Variants in ABCA12 observed in about 807,000 individuals in gnomAD.
ABCA12 encodes the protein glucosylceramide transporter ABCA12.
A neutral mutation model predicts 293.5 loss-of-function variants in ABCA12; 156 were observed. The ratio of observed to expected loss-of-function variants is 0.53; its 90% CI spans 0.47 to 0.61. The LOEUF (loss-of-function observed/expected upper bound fraction) is 0.61. Among genes scored for constraint, ABCA12 ranks in the 20% least tolerant of loss-of-function variants. The pLI is 0.00. For missense variants in ABCA12, 2,797 were observed against 3,090.2 expected (o/e 0.91, Z 2.25); for synonymous variants, 1,063 against 1,108.0 (o/e 0.96, Z 0.81).
At chr2:214,938,980 T>C (rs1645429705) in intron 50 of ABCA12, among the ~76,000 whole-genome samples, 1 of 152,204 alleles carries the variant, frequency 6.6e-6, no homozygotes, top group Non-Finnish European at 1.5e-5. Context: ...CATTTGTCTA[T>C]TTTGGCTTTT....
At chr2:215,052,417 G>A in intron 5 of ABCA12, 70 bp downstream of exon 5, 1 of 1,284,762 alleles carries the variant, frequency 7.8e-7, no homozygotes, top group Non-Finnish European at 1.1e-6. Flanking sequence ...TGCTATTTGA[G>A]AGATCCTTCT....
chr2:215,007,882 T>C (rs1700289016), intron 18 of ABCA12, 36 bp from the exon 19 acceptor site: 3 of 1,612,680 alleles, frequency 1.9e-6, no homozygotes, highest in Non-Finnish European at 8.5e-7. Context: ...TGTGATCCAT[T>C]AGTATTTTGT....
chr2:215,134,486 G>A (rs888402504), intron 1 of ABCA12, among the ~76,000 whole-genome samples: 5 of 139,620 alleles, frequency 3.6e-5, no homozygotes, highest in Admixed American at 2.1e-4. Flanking sequence ...GTATATATAC[G>A]TATATATGCA....
intron 6 of ABCA12, 145 bp downstream of exon 6, chr2:215,049,481 T>C: frequency 2.5e-6 from 2 of 807,980 alleles, no homozygotes; most frequent in Non-Finnish European, 2.0e-6. Context: ...TACTTAAGAT[T>C]AAACTTTGTG....
At position 215,119,926 on chromosome 2, in the gene ABCA12, G is replaced by A. The variant is rs61559568; in HGVS notation, c.70-8236C>T. Among the ~76,000 whole-genome samples the A allele has an allele frequency of 5.3e-4, 80 of 152,086 alleles. 1 individual carries two copies. The East Asian group carries it at 0.013, about 25-fold the overall frequency. Reference sequence around the variant, plus strand: ...TAACCCTGCAATCCCTTTACTGGGCGTATAACCAGAGGAAAAAAGATCATT... The same window carrying A: ...TAACCCTGCAATCCCTTTACTGGGCATATAACCAGAGGAAAAAAGATCATT... On this transcript the variant is annotated intron_variant, in intron 1 of 52. Coordinates refer to ENST00000272895, the MANE Select transcript of ABCA12 (RefSeq NM_173076.3).
At chr2:215,087,065 C>T (rs1366116707) in intron 2 of ABCA12, among the ~76,000 whole-genome samples, 2 of 152,092 alleles carry the variant, frequency 1.3e-5, no homozygotes, top group African/African-American at 4.8e-5. Flanking sequence ...GCCTCAGCTT[C>T]CCAAGTAGCT....
chr2:215,111,500 A>T, intron 2 of ABCA12, 97 bp downstream of exon 2: 1 of 909,766 alleles, frequency 1.1e-6, no homozygotes, highest in African/African-American at 1.7e-5. Context: ...AACACTATAC[A>T]AAAAAAAATT....
chr2:214,939,967 C>A (rs1432774416), intron 50 of ABCA12, among the ~76,000 whole-genome samples: 1 of 152,122 alleles, frequency 6.6e-6, no homozygotes, highest in Non-Finnish European at 1.5e-5. Flanking sequence ...CTTTCTCTTG[C>A]CTGATGGCTC....
At chr2:215,092,141 G>A (rs902270285) in intron 2 of ABCA12, among the ~76,000 whole-genome samples, 11 of 152,144 alleles carry the variant, frequency 7.2e-5, no homozygotes, top group African/African-American at 2.2e-4. Context: ...TGGAGGGTAA[G>A]TCCGTTCCCT....
chr2:215,091,904 C>T (rs1375198586), intron 2 of ABCA12, among the ~76,000 whole-genome samples: 1 of 152,222 alleles, frequency 6.6e-6, no homozygotes, highest in African/African-American at 2.4e-5. Flanking sequence ...GGAATGCCCA[C>T]AGCCCAGGAT....
Position 215,115,440 on chromosome 2 carries a change from T to A in ABCA12, c.70-3750A>T, listed in dbSNP as rs560031266. Among the ~76,000 whole-genome samples the A allele has an allele frequency of 9.7e-4, 147 of 152,298 alleles. 2 individuals carry two copies. Among genetic ancestry groups the A allele is most frequent in the South Asian group, 1.9e-3 (9 of 4,822 alleles). ...AAACTCTAAACCAATAGGCCATGAC[T>A]TTTTTCTGTTTGGAGAAAGGGATGA... On this transcript the variant is annotated intron_variant, in intron 1 of 52. Transcript: ENST00000272895.
chr2:214,953,516 G>A (rs756273154), intron 44 of ABCA12, among the ~76,000 whole-genome samples: 1 of 152,110 alleles, frequency 6.6e-6, no homozygotes, highest in Non-Finnish European at 1.5e-5. Flanking sequence ...TGCCTTGAAA[G>A]TGTTTTCCAT....
chr2:214,992,522 CT>C (rs71041978), intron 23 of ABCA12, among the ~76,000 whole-genome samples: 26,361 of 47,660 alleles, frequency 0.55, 6,569 homozygotes, highest in East Asian at 0.78. Context: ...TATCCCCCCC[CT>C]TTTTTTTTTT....
chr2:215,128,612 C>T (rs892854743), intron 1 of ABCA12, among the ~76,000 whole-genome samples: 1 of 152,010 alleles, frequency 6.6e-6, no homozygotes, highest in East Asian at 1.9e-4. Flanking sequence ...GAGCACTTTG[C>T]ATTTCTAAAA....
chr2:215,031,780 A>G (rs755106145), intron 9 of ABCA12, 41 bp downstream of exon 9: 4 of 1,612,122 alleles, frequency 2.5e-6, no homozygotes, highest in East Asian at 2.2e-5. Flanking sequence ...TTGTTTATTC[A>G]GCCAAGTTAT....
At chr2:214,940,680 T>G (rs1321563252) in intron 50 of ABCA12, among the ~76,000 whole-genome samples, 1 of 152,208 alleles carries the variant, frequency 6.6e-6, no homozygotes, top group African/African-American at 2.4e-5. Flanking sequence ...TTTGACTTCT[T>G]CCTGGTTTAG....
chr2:215,013,014 AT>A (rs1306245830), intron 15 of ABCA12: 3 of 152,192 alleles, frequency 2.0e-5, no homozygotes, highest in African/African-American at 7.2e-5. Context: ...ATGTTTTAAA[AT>A]TTTAATGTAA....
At chr2:215,043,359 C>T (rs1256232256) in intron 7 of ABCA12, among the ~76,000 whole-genome samples, 1 of 152,040 alleles carries the variant, frequency 6.6e-6, no homozygotes, top group Non-Finnish European at 1.5e-5. Flanking sequence ...ATAATCATTA[C>T]TTGACAACAT....
rs1323211486 is a variant in ABCA12 at position 215,010,371 on chromosome 2, T to C, written c.2432A>G (p.Tyr811Cys). Residue 811 changes from tyrosine to cysteine, a missense_variant, in exon 18 of 53, where the codon TAT becomes TGT. Physicochemically the swap from Tyr to Cys is radical, Grantham distance 194. Transcript: ENST00000272895. The part of the protein sequence containing the change: ...LKPMLLGRIL[Y>C]APYNPVTKAI... ...CTTTGTGACTGGGTTATATGGTGCA[T>C]ACAAAATTCTTCCCAACAACATAGG... The C allele has an allele frequency of 1.9e-6, 3 of 1,613,834 alleles. No homozygotes were observed. The highest frequency in any genetic ancestry group is 1.1e-5 in the South Asian group (1 of 91,080).
Sources: gnomAD v4.1 joint callset for allele counts (sites outside exome capture counted in the v4.1 genomes callset) on GRCh38, gnomAD v4.1.1 for gene constraint, MANE v1.5 for transcripts, NCBI Gene and HGNC (gene_info 2026-07-23, HGNC 2026-07-21) for gene names.